Variants in CDC42BPA observed in about 807,000 individuals in gnomAD.
CDC42BPA encodes the protein CDC42 binding protein kinase alpha, also known as serine/threonine-protein kinase MRCK alpha.
A neutral mutation model predicts 223.5 loss-of-function variants in CDC42BPA; 80 were observed. The ratio of observed to expected loss-of-function variants is 0.36; its 90% CI spans 0.30 to 0.43. CDC42BPA has a LOEUF of 0.43. Ranked by LOEUF, CDC42BPA falls within the 20% of genes least tolerant of loss-of-function variation. The probability of loss-of-function intolerance (pLI) is 1.00; values close to 1 mark genes in which losing one functional copy is unlikely to be tolerated. For missense variants in CDC42BPA, 1,743 were observed against 2,099.9 expected, an observed-to-expected ratio of 0.83 and a Z score of 3.32; for synonymous variants, 694 against 718.6, an observed-to-expected ratio of 0.97 and a Z score of 0.55.
intron 34 of CDC42BPA, among the ~76,000 whole-genome samples, chr1:227,007,129 T>C (rs1005286827): frequency 2.0e-5 from 3 of 152,264 alleles, no homozygotes; most frequent in Admixed American, 6.5e-5. Context: ...TTGTGACTTT[T>C]CCAAAGGATC....
At chr1:227,303,582 T>C (rs184172631) in intron 1 of CDC42BPA, among the ~76,000 whole-genome samples, 2 of 152,330 alleles carry the variant, frequency 1.3e-5, no homozygotes, top group South Asian at 2.1e-4. Flanking sequence ...CTCTGTACTT[T>C]AGCCCTACCC....
intron 5 of CDC42BPA, 26 bp from the exon 6 acceptor site, chr1:227,160,662 T>C (rs1450854549): frequency 8.0e-7 from 1 of 1,250,668 alleles, no homozygotes; most frequent in Non-Finnish European, 1.1e-6. Context: ...AATTCAATTT[T>C]TAGTGGAAAA....
At chr1:227,060,020 G>GTTTTTTTTTTTTT (rs143944932) in intron 21 of CDC42BPA, among the ~76,000 whole-genome samples, 1 of 94,186 alleles carries the variant, frequency 1.1e-5, no homozygotes, top group African/African-American at 4.9e-5. Context: ...ATCTCAAAAA[G>GTTTTTTTTTTTTT]TTTTTTTTTG....
chr1:227,214,622 T>C (rs762110120), intron 2 of CDC42BPA, among the ~76,000 whole-genome samples: 1 of 152,158 alleles, frequency 6.6e-6, no homozygotes, highest in African/African-American at 2.4e-5. Context: ...CACTAAGCTA[T>C]ACAAGACTCA....
At chr1:227,058,887 A>G (rs1339400037) in intron 21 of CDC42BPA, among the ~76,000 whole-genome samples, 1 of 147,902 alleles carries the variant, frequency 6.8e-6, no homozygotes, top group African/African-American at 2.5e-5. Context: ...AAAAAAAAAA[A>G]ACAAGATTTC....
intron 34 of CDC42BPA, among the ~76,000 whole-genome samples, chr1:227,012,088 G>A (rs1665324522): frequency 6.6e-6 from 1 of 152,142 alleles, no homozygotes; most frequent in South Asian, 2.1e-4. Flanking sequence ...CTCTGAGGTT[G>A]TACTGACGTA....
chr1:227,292,997 T>C (rs1158598055), intron 1 of CDC42BPA, among the ~76,000 whole-genome samples: 1 of 152,202 alleles, frequency 6.6e-6, no homozygotes, highest in African/African-American at 2.4e-5. Context: ...GTATCTAAAG[T>C]TGGAGTTTTA....
chr1:227,261,896 A>G (rs1464062424), intron 1 of CDC42BPA, among the ~76,000 whole-genome samples: 1 of 152,182 alleles, frequency 6.6e-6, no homozygotes, highest in East Asian at 1.9e-4. Flanking sequence ...GAGGGTTTGG[A>G]GTCTGAATCC....
intron 1 of CDC42BPA, among the ~76,000 whole-genome samples, chr1:227,261,704 G>T (rs936243105): frequency 2.0e-5 from 3 of 152,106 alleles, no homozygotes; most frequent in Non-Finnish European, 4.4e-5. Context: ...GCCTGTTAGG[G>T]ATCATTCGAT....
At chr1:227,062,113 T>A (rs1382238966) in intron 21 of CDC42BPA, among the ~76,000 whole-genome samples, 1 of 152,200 alleles carries the variant, frequency 6.6e-6, no homozygotes, top group Non-Finnish European at 1.5e-5. Flanking sequence ...ACATAGACCC[T>A]TATTCTGGCC....
intron 1 of CDC42BPA, among the ~76,000 whole-genome samples, chr1:227,312,900 G>A (rs951086966): frequency 6.6e-6 from 1 of 151,994 alleles, no homozygotes; most frequent in Non-Finnish European, 1.5e-5. Context: ...GGACGGGGTC[G>A]GCTTCTCCTT....
At chr1:227,301,776 C>T (rs895116781) in intron 1 of CDC42BPA, among the ~76,000 whole-genome samples, 15 of 152,038 alleles carry the variant, frequency 9.9e-5, no homozygotes, top group Admixed American at 3.9e-4. Context: ...CATTACGCCC[C>T]GTACCTACTA....
Position 227,010,986 on chromosome 1 carries a change from G to A in CDC42BPA, c.4857+5094C>T, listed in dbSNP as rs1484896727. On this transcript the variant is annotated intron_variant, in intron 34 of 36. Coordinates refer to ENST00000366766, the MANE Select transcript of CDC42BPA (RefSeq NM_001394014.1). ...ATTTTTCAGCAGAATTAACAGTCAT[G>A]TGATAGATGTGTTCAAAGTTGATCG... 6.6e-6 allele frequency: 9 copies of A among 1,362,338 alleles called. No homozygotes were observed. The South Asian group carries it at 8.1e-5, about 12-fold the overall frequency. The allele number at this position is 1,362,338 out of a possible 1,614,324, so 84.4% of individuals were successfully genotyped here. A position where few individuals can be genotyped will look rare whatever the true frequency, so the allele number is the denominator to read the frequency against.
intron 1 of CDC42BPA, among the ~76,000 whole-genome samples, chr1:227,280,540 A>G (rs1687846699): frequency 6.6e-6 from 1 of 152,228 alleles, no homozygotes. Flanking sequence ...TAGGAAAGCT[A>G]AAGACCTGAA....
intron 1 of CDC42BPA, among the ~76,000 whole-genome samples, chr1:227,288,027 T>A (rs904340450): frequency 6.6e-6 from 1 of 152,174 alleles, no homozygotes; most frequent in African/African-American, 2.4e-5. Flanking sequence ...GCCTTTTCCC[T>A]TTGTTGATTT....
intron 4 of CDC42BPA, among the ~76,000 whole-genome samples, chr1:227,197,099 G>A (rs1206382791): frequency 6.6e-6 from 1 of 152,112 alleles, no homozygotes; most frequent in Non-Finnish European, 1.5e-5. Flanking sequence ...TAGTAAGTAG[G>A]TTAGAAATGA....
At chr1:227,130,391 T>G (rs1656828903) in intron 10 of CDC42BPA, among the ~76,000 whole-genome samples, 1 of 152,226 alleles carries the variant, frequency 6.6e-6, no homozygotes, top group African/African-American at 2.4e-5. Context: ...CATCTGATGT[T>G]GATTTTCTGC....
chr1:227,239,754 C>T (rs920628154), intron 2 of CDC42BPA, among the ~76,000 whole-genome samples: 2 of 152,050 alleles, frequency 1.3e-5, no homozygotes, highest in Non-Finnish European at 2.9e-5. Flanking sequence ...TAACAGAAGA[C>T]AATATCTTCA....
intron 2 of CDC42BPA, among the ~76,000 whole-genome samples, chr1:227,220,284 A>T (rs7528019): frequency 0.028 from 1,197 of 42,854 alleles, 17 homozygotes; most frequent in African/African-American, 0.064. Flanking sequence ...AAGTCATGTT[A>T]TATATATATA....
Sources: gnomAD v4.1 joint callset for allele counts (sites outside exome capture counted in the v4.1 genomes callset) on GRCh38, gnomAD v4.1.1 for gene constraint, MANE v1.5 for transcripts, NCBI Gene and HGNC (gene_info 2026-07-23, HGNC 2026-07-21) for gene names.